Variants in ATP11A observed in about 807,000 individuals in gnomAD.
ATP11A encodes the protein ATPase phospholipid transporting 11A, also known as phospholipid-transporting ATPase IH.
Under a neutral mutation model 154.4 loss-of-function variants are expected in ATP11A, and 81 were observed. That is an observed-to-expected ratio of 0.52 (90% CI 0.44 to 0.63). The LOEUF is 0.63. ATP11A is among the 30% of genes least tolerant of loss of function. ATP11A has a pLI of 0.00. For missense variants in ATP11A, 1,316 were observed against 1,474.3 expected (o/e 0.89, Z 1.76); for synonymous variants, 623 against 585.9 (o/e 1.06, Z -0.91).
chr13:112,694,301 G>A (rs190362038), intron 1 of ATP11A, among the ~76,000 whole-genome samples: 1 of 152,210 alleles, frequency 6.6e-6, no homozygotes, highest in Non-Finnish European at 1.5e-5. Flanking sequence ...CTCTCAGTCC[G>A]TTTGTCATGC....
At chr13:112,841,067 G>A (rs565844563) in intron 16 of ATP11A, among the ~76,000 whole-genome samples, 8 of 152,396 alleles carry the variant, frequency 5.2e-5, no homozygotes, top group Admixed American at 3.9e-4. Context: ...GCCGTAGCAC[G>A]GCGTTTCCCT....
chr13:112,707,790 C>T (rs1304438839), intron 1 of ATP11A, among the ~76,000 whole-genome samples: 3 of 152,144 alleles, frequency 2.0e-5, no homozygotes, highest in African/African-American at 7.2e-5. Context: ...CAGTGACAAC[C>T]GGCTCAGTGG....
chr13:112,744,154 CAGG>C (rs1025601497), intron 1 of ATP11A, among the ~76,000 whole-genome samples: 3 of 152,194 alleles, frequency 2.0e-5, no homozygotes, highest in Non-Finnish European at 4.4e-5. Flanking sequence ...AACAAGAAGG[CAGG>C]AGAATGTCGC....
intron 1 of ATP11A, among the ~76,000 whole-genome samples, chr13:112,742,066 G>A (rs403530): frequency 0.23 from 35,202 of 151,780 alleles, 5,301 homozygotes; most frequent in African/African-American, 0.42. Context: ...CCCACAGTGC[G>A]CTTTTCTCAC....
In ATP11A at chr13:112,885,226, G is replaced by A. The variant is rs1478141580; in HGVS notation, c.*3360G>A. The A allele has an allele frequency of 2.1e-5, 3 of 144,266 alleles. No homozygotes were observed. In the South Asian group the frequency reaches 6.4e-4, roughly 31 times the overall value. The allele number at this position is 144,266 out of a possible 1,614,324, so 8.9% of individuals were successfully genotyped here. ...TGAACAGCGTAAGTTCCTACACACG[G>A]ACGTGTGATACACACATGCATGTAC... On this transcript the variant is annotated 3_prime_UTR_variant, in exon 30 of 30. Coordinates refer to ENST00000375645, the MANE Select transcript of ATP11A (RefSeq NM_015205.3).
At chr13:112,800,752 AAAAT>A (rs2078112095) in intron 2 of ATP11A, among the ~76,000 whole-genome samples, 1 of 152,224 alleles carries the variant, frequency 6.6e-6, no homozygotes, top group African/African-American at 2.4e-5. Context: ...GATTCTCAAT[AAAAT>A]ATTAGCAAGT....
At chr13:112,786,867 C>CCCGG (rs1876071123) in intron 2 of ATP11A, among the ~76,000 whole-genome samples, 1 of 152,242 alleles carries the variant, frequency 6.6e-6, no homozygotes, top group African/African-American at 2.4e-5. Flanking sequence ...TTAATTCACA[C>CCCGG]CAAGTGTCCT....
chr13:112,712,004 G>A (rs1887813745), intron 1 of ATP11A, among the ~76,000 whole-genome samples: 2 of 152,188 alleles, frequency 1.3e-5, no homozygotes, highest in South Asian at 4.1e-4. Flanking sequence ...GGGTAGCAAC[G>A]TGCTGAACCC....
At chr13:112,791,525 C>T (rs1056426417) in intron 2 of ATP11A, among the ~76,000 whole-genome samples, 4 of 152,202 alleles carry the variant, frequency 2.6e-5, no homozygotes, top group Non-Finnish European at 4.4e-5. Context: ...CAGGGGCTGG[C>T]GGGAAGCTGC....
chr13:112,853,059 AT>A (rs891377243), intron 18 of ATP11A, among the ~76,000 whole-genome samples: 1 of 151,504 alleles, frequency 6.6e-6, no homozygotes, highest in East Asian at 1.9e-4. Context: ...CATCTCTTGA[AT>A]TTTTTTTTAA....
At chr13:112,699,786 C>T (rs1435427519) in intron 1 of ATP11A, among the ~76,000 whole-genome samples, 1 of 152,194 alleles carries the variant, frequency 6.6e-6, no homozygotes, top group Admixed American at 6.5e-5. Flanking sequence ...GCCTGTGTCC[C>T]ACCTGGCTCT....
At chr13:112,802,348 A>AC (rs1430566639) in intron 2 of ATP11A, among the ~76,000 whole-genome samples, 1 of 148,230 alleles carries the variant, frequency 6.7e-6, no homozygotes, top group African/African-American at 2.5e-5. Flanking sequence ...TCCGTCTCAC[A>AC]AAAAAAAAAG....
chr13:112,761,371 C>G (rs1230136359), intron 1 of ATP11A, among the ~76,000 whole-genome samples: 1 of 152,208 alleles, frequency 6.6e-6, no homozygotes, highest in East Asian at 1.9e-4. Context: ...GATCTCCAGT[C>G]AGATGGAATC....
intron 1 of ATP11A, among the ~76,000 whole-genome samples, chr13:112,779,187 G>A (rs185608152): frequency 0.021 from 2,945 of 141,598 alleles, 44 homozygotes; most frequent in Non-Finnish European, 0.031. Context: ...GTAGCCGCTG[G>A]AGTGAGGAGT....
rs2080984581 is a variant in ATP11A at position 112,886,592 on chromosome 13, G to T, written c.*4726G>T. ...CTGGAATGAAAATCTTTCTGATGTT[G>T]TGTCTATAAGCAGCCTTGATGGGAT... On this transcript the variant is annotated 3_prime_UTR_variant, in exon 30 of 30. Transcript: ENST00000375645. 6.6e-6 allele frequency: 1 copy of T among 152,106 alleles called. No homozygotes were observed. Among genetic ancestry groups the T allele is most frequent in the Non-Finnish European group, 1.5e-5 (1 of 67,968 alleles). The allele number at this position is 152,106 out of a possible 1,614,324, so 9.4% of individuals were successfully genotyped here.
intron 28 of ATP11A, among the ~76,000 whole-genome samples, chr13:112,876,697 T>G (rs2080737169): frequency 1.3e-5 from 2 of 152,152 alleles, no homozygotes; most frequent in Admixed American, 6.5e-5. Flanking sequence ...TGAAGCCCAA[T>G]GGGGAAATGA....
intron 1 of ATP11A, among the ~76,000 whole-genome samples, chr13:112,742,504 G>T (rs1230873725): frequency 6.6e-6 from 1 of 152,212 alleles, no homozygotes; most frequent in Non-Finnish European, 1.5e-5. Flanking sequence ...ATGTTCATTA[G>T]CATTAATTTC....
chr13:112,737,193 T>C (rs1308252702), intron 1 of ATP11A, among the ~76,000 whole-genome samples: 3 of 152,164 alleles, frequency 2.0e-5, no homozygotes, highest in Admixed American at 6.5e-5. Flanking sequence ...GGTTCAAAGC[T>C]GGGCACTCCT....
At chr13:112,824,269 G>T in intron 9 of ATP11A, 75 bp from the exon 10 acceptor site, 2 of 1,140,994 alleles carry the variant, frequency 1.8e-6, no homozygotes, top group Non-Finnish European at 2.7e-6. Context: ...GATTTTCCCC[G>T]CAGCTGTGTG....
Sources: allele counts gnomAD v4.1 joint callset (sites outside exome capture counted in the v4.1 genomes callset), GRCh38; gene constraint gnomAD v4.1.1; transcripts MANE v1.5; gene names NCBI Gene and HGNC (gene_info 2026-07-23, HGNC 2026-07-21).